Variants in CTNNBL1 observed in about 807,000 individuals in gnomAD.
The protein encoded by CTNNBL1 is catenin beta like 1.
In CTNNBL1, 31 loss-of-function variants were observed where a neutral mutation model predicts 72.7. The observed-to-expected ratio is 0.43, with a 90% CI of 0.32 to 0.58. The LOEUF is 0.58. Among genes scored for constraint, CTNNBL1 ranks in the 20% least tolerant of loss-of-function variants. The probability of loss-of-function intolerance (pLI) is 0.08; values close to 1 mark genes in which losing one functional copy is unlikely to be tolerated. For synonymous variants in CTNNBL1, 240 were observed against 267.3 expected, an observed-to-expected ratio of 0.90 and a Z score of 1.00; for missense variants, 534 against 725.1, an observed-to-expected ratio of 0.74 and a Z score of 3.03.
chr20:37,799,734 T>C (rs1360912108), intron 10 of CTNNBL1, among the ~76,000 whole-genome samples: 1 of 152,230 alleles, frequency 6.6e-6, no homozygotes, highest in African/African-American at 2.4e-5. Flanking sequence ...TGCTCAATAG[T>C]ATATGCCTTT....
At chr20:37,720,539 T>A (rs769731024) in intron 1 of CTNNBL1, among the ~76,000 whole-genome samples, 1 of 152,236 alleles carries the variant, frequency 6.6e-6, no homozygotes, top group Non-Finnish European at 1.5e-5. Context: ...GGTAAATTAT[T>A]GTTTTGAAAA....
intron 11 of CTNNBL1, among the ~76,000 whole-genome samples, chr20:37,836,681 G>T (rs1447935402): frequency 1.3e-5 from 2 of 152,224 alleles, no homozygotes; most frequent in African/African-American, 4.8e-5. Context: ...TAGGGAGGGT[G>T]TGTTGTTTGT....
intron 10 of CTNNBL1, among the ~76,000 whole-genome samples, chr20:37,796,945 G>A (rs887093401): frequency 6.6e-5 from 10 of 152,178 alleles, no homozygotes; most frequent in African/African-American, 1.9e-4. Flanking sequence ...ATGGCCAAGT[G>A]TGAAGTCTGT....
chr20:37,846,422 C>G lies in CTNNBL1; in HGVS notation c.1392+4003C>G, dbSNP rs555139789. On this transcript the variant is annotated intron_variant, in intron 13 of 15. Coordinates refer to ENST00000361383, the MANE Select transcript of CTNNBL1 (RefSeq NM_030877.5). ...TGGGCAAACAGTTGAACTGCCCTATCCTTATTTTCTTTCTGGATGGTGTTT... is the reference window on the plus strand; with the variant it reads ...TGGGCAAACAGTTGAACTGCCCTATGCTTATTTTCTTTCTGGATGGTGTTT... Among the ~76,000 whole-genome samples the G allele has an allele frequency of 9.2e-5, 14 of 152,158 alleles. No homozygotes were observed. In the South Asian group the frequency reaches 2.9e-3, roughly 32 times the overall value.
At chr20:37,841,208 A>G (rs988568516) in intron 12 of CTNNBL1, among the ~76,000 whole-genome samples, 5 of 152,238 alleles carry the variant, frequency 3.3e-5, no homozygotes, top group African/African-American at 1.2e-4. Flanking sequence ...CTTACCCAAG[A>G]AAGGTTTAAG....
chr20:37,754,549 G>T (rs2073347393), intron 4 of CTNNBL1, among the ~76,000 whole-genome samples: 1 of 152,088 alleles, frequency 6.6e-6, no homozygotes, highest in African/African-American at 2.4e-5. Flanking sequence ...ATAAATATGG[G>T]AGTTTCTTGG....
Position 37,765,218 on chromosome 20 carries a change from C to G in CTNNBL1, c.586C>G (p.Leu196Val). 1.9e-6 allele frequency: 3 copies of G among 1,551,446 alleles called. No homozygotes were observed. The highest frequency in any genetic ancestry group is 2.6e-6 in the Non-Finnish European group (3 of 1,146,780). Reference sequence around the variant, plus strand: ...GCAGGTGGATGGGCAGGTGGTAGCACTGCTGGTACAGAATCTGGAGCGCCT... The same window carrying G: ...GCAGGTGGATGGGCAGGTGGTAGCAGTGCTGGTACAGAATCTGGAGCGCCT... ...DALVDGQVVA[L>V]LVQNLERLDE... The change falls in exon 6 of 16, where the codon CTG becomes GTG. Residue 196 changes from leucine (L) to valine (V), a missense_variant. Physicochemically the swap from Leu to Val is conservative, Grantham distance 32. Transcript: ENST00000361383.
At chr20:37,696,607 C>G (rs1161381241) in intron 1 of CTNNBL1, among the ~76,000 whole-genome samples, 4 of 80 alleles carry the variant, frequency 0.05, no homozygotes, top group Non-Finnish European at 0.075. Context: ...CCACGCCTGG[C>G]TAATTTTTGT....
intron 11 of CTNNBL1, among the ~76,000 whole-genome samples, chr20:37,819,615 TGTAA>T (rs1049682355): frequency 6.6e-6 from 1 of 152,218 alleles, no homozygotes; most frequent in African/African-American, 2.4e-5. Context: ...CTTTTTAAAA[TGTAA>T]GTAAGTATCT....
At chr20:37,791,446 C>CAA (rs2073724802) in intron 10 of CTNNBL1, among the ~76,000 whole-genome samples, 1 of 152,174 alleles carries the variant, frequency 6.6e-6, no homozygotes, top group South Asian at 2.1e-4. Context: ...ATTTGCTTTT[C>CAA]CCTCATGACT....
At chr20:37,814,083 C>T (rs908229623) in intron 11 of CTNNBL1, among the ~76,000 whole-genome samples, 1 of 152,150 alleles carries the variant, frequency 6.6e-6, no homozygotes, top group East Asian at 1.9e-4. Flanking sequence ...GCCCAGATAA[C>T]TTGTCATTTT....
chr20:37,799,462 A>ACCACTCCCAACAGTGT (rs1429634981), intron 10 of CTNNBL1, among the ~76,000 whole-genome samples: 7 of 152,122 alleles, frequency 4.6e-5, no homozygotes, highest in African/African-American at 1.4e-4. Flanking sequence ...CTGTACAGCC[A>ACCACTCCCAACAGTGT]CCACTCCCAA....
At chr20:37,853,377 G>A (rs997261491) in intron 13 of CTNNBL1, among the ~76,000 whole-genome samples, 4 of 152,358 alleles carry the variant, frequency 2.6e-5, no homozygotes, top group African/African-American at 9.6e-5. Flanking sequence ...AAGGCAGGGA[G>A]AAGCTTGTGA....
At chr20:37,780,808 G>A (rs1158391826) in intron 10 of CTNNBL1, among the ~76,000 whole-genome samples, 1 of 152,126 alleles carries the variant, frequency 6.6e-6, no homozygotes, top group East Asian at 1.9e-4. Context: ...AATGAAACCA[G>A]TTTTTCTGAT....
chr20:37,709,507 T>C (rs913772469), intron 1 of CTNNBL1, among the ~76,000 whole-genome samples: 2 of 152,242 alleles, frequency 1.3e-5, no homozygotes, highest in African/African-American at 4.8e-5. Flanking sequence ...AAACAAATTG[T>C]AGCTACAGTT....
chr20:37,870,983 C>T (rs1484130371), intron 15 of CTNNBL1, among the ~76,000 whole-genome samples: 7 of 152,186 alleles, frequency 4.6e-5, no homozygotes, highest in Non-Finnish European at 8.8e-5. Context: ...GTATTTTGTT[C>T]ACTTTTTGGT....
chr20:37,724,606 A>G (rs1254822944), intron 1 of CTNNBL1, among the ~76,000 whole-genome samples: 3 of 152,104 alleles, frequency 2.0e-5, no homozygotes, highest in Non-Finnish European at 4.4e-5. Flanking sequence ...AGATATGTTA[A>G]AAAGGATTCA....
At chr20:37,747,286 A>G (rs937496302) in intron 4 of CTNNBL1, among the ~76,000 whole-genome samples, 1 of 151,654 alleles carries the variant, frequency 6.6e-6, no homozygotes, top group African/African-American at 2.4e-5. Context: ...GAGGCAGGAA[A>G]AGCTCTTGAA....
At chr20:37,766,055 T>C (rs2122663422) in intron 6 of CTNNBL1, among the ~76,000 whole-genome samples, 1 of 152,354 alleles carries the variant, frequency 6.6e-6, no homozygotes. Flanking sequence ...TTAGATTTTT[T>C]TTTTTTAGCT....
Sources: gnomAD v4.1 joint callset for allele counts (sites outside exome capture counted in the v4.1 genomes callset) on GRCh38, gnomAD v4.1.1 for gene constraint, MANE v1.5 for transcripts, NCBI Gene and HGNC (gene_info 2026-07-23, HGNC 2026-07-21) for gene names.